HFM1: variants seen among roughly 807,000 people sequenced by gnomAD.
HFM1 encodes probable ATP-dependent DNA helicase HFM1.
HFM1 carries 169 observed loss-of-function variants against 192.1 expected under a neutral mutation model. That is an observed-to-expected ratio of 0.88 (90% CI 0.78 to 1.00). HFM1 has a LOEUF of 1.00. HFM1 is among the 50% of genes least tolerant of loss of function. The probability of loss-of-function intolerance (pLI) is 0.00; values close to 1 mark genes in which losing one functional copy is unlikely to be tolerated. For synonymous variants in HFM1, 525 were observed against 537.8 expected, an observed-to-expected ratio of 0.98 and a Z score of 0.33; for missense variants, 1,661 against 1,668.0, an observed-to-expected ratio of 1.00 and a Z score of 0.07.
intron 30 of HFM1, among the ~76,000 whole-genome samples, chr1:91,281,096 T>C (rs575197318): frequency 3.9e-4 from 59 of 152,238 alleles, no homozygotes; most frequent in Admixed American, 1.4e-3. Flanking sequence ...GAGTGTAATA[T>C]GGAGAACAGA....
At chr1:91,284,873 GT>G (rs1326955745) in intron 30 of HFM1, among the ~76,000 whole-genome samples, 1 of 152,128 alleles carries the variant, frequency 6.6e-6, no homozygotes, top group Non-Finnish European at 1.5e-5. Context: ...TTTTCAAAAA[GT>G]TTGATATGGT....
rs771048982 is a variant in HFM1, at chr1:91,380,223, T to C, written c.887A>G (p.Asp296Gly). 6.4e-7 allele frequency: 1 copy of C among 1,574,518 alleles called. No individual in the cohort carries two copies. The highest frequency in any genetic ancestry group is 1.2e-5 in the South Asian group (1 of 86,124). Residue 296 changes from aspartate (D) to glycine (G), a missense_variant, in exon 8 of 39, where the codon GAT becomes GGT. Physicochemically the swap from Asp to Gly is moderately conservative, Grantham distance 94. Coordinates refer to ENST00000370425, the MANE Select transcript of HFM1 (RefSeq NM_001017975.6). ...TGGAGCACAAATCACAAAATTCCTA[T>C]CTGTGTAAAGAAGCTAAAAAATAAA... ...SKAFDDLLYTDRNFVICAPTG... is the reference protein window; with the variant it reads ...SKAFDDLLYTGRNFVICAPTG...
chr1:91,300,105 A>G (rs1032166149), intron 30 of HFM1, among the ~76,000 whole-genome samples: 5 of 152,144 alleles, frequency 3.3e-5, no homozygotes, highest in Non-Finnish European at 2.9e-5. Flanking sequence ...AGGGGATATC[A>G]CCACCGATCC....
intron 9 of HFM1, 112 bp from the exon 10 acceptor site, chr1:91,378,592 G>C (rs1661198880): frequency 1.6e-6 from 1 of 607,620 alleles, no homozygotes; most frequent in East Asian, 3.0e-5. Context: ...AGGCAATTTT[G>C]GTTGATCCCT....
At chr1:91,327,107 AGAAG>A (rs1245232158) in intron 20 of HFM1, among the ~76,000 whole-genome samples, 1 of 152,226 alleles carries the variant, frequency 6.6e-6, no homozygotes, top group African/African-American at 2.4e-5. Context: ...GAAGACAGAA[AGAAG>A]GAAGAGAAGA....
chr1:91,403,895 CA>C (rs1251647916), intron 1 of HFM1, among the ~76,000 whole-genome samples: 1 of 151,982 alleles, frequency 6.6e-6, no homozygotes, highest in Admixed American at 6.5e-5. Context: ...TTATTGTATA[CA>C]ATTATTGTAT....
intron 36 of HFM1, among the ~76,000 whole-genome samples, chr1:91,264,359 G>GTTTTTTTTTTTTT (rs1466938761): frequency 3.5e-4 from 19 of 54,058 alleles, no homozygotes; most frequent in African/African-American, 1.1e-3. Flanking sequence ...CACAAATTTA[G>GTTTTTTTTTTTTT]TATTTTTTTT....
intron 30 of HFM1, among the ~76,000 whole-genome samples, chr1:91,309,113 T>C (rs554770489): frequency 6.6e-6 from 1 of 152,314 alleles, no homozygotes; most frequent in African/African-American, 2.4e-5. Flanking sequence ...ACAGAATAGT[T>C]CTAAATGCGT....
At chr1:91,335,151 G>A (rs1003428626) in intron 20 of HFM1, among the ~76,000 whole-genome samples, 9 of 152,116 alleles carry the variant, frequency 5.9e-5, no homozygotes, top group Non-Finnish European at 1.2e-4. Flanking sequence ...TGGTACAATA[G>A]ATAAAACTAA....
At chr1:91,366,989 C>A (rs1358779493) in intron 13 of HFM1, among the ~76,000 whole-genome samples, 1 of 152,206 alleles carries the variant, frequency 6.6e-6, no homozygotes, top group Non-Finnish European at 1.5e-5. Context: ...GGGTCCTACA[C>A]CCACAGAGCC....
chr1:91,368,925 C>CA (rs1170379738), intron 13 of HFM1, among the ~76,000 whole-genome samples: 1 of 151,606 alleles, frequency 6.6e-6, no homozygotes, highest in Non-Finnish European at 1.5e-5. Flanking sequence ...AAATGGAAAA[C>CA]AAAAAAAGGC....
At chr1:91,280,161 C>T (rs936795707) in intron 30 of HFM1, among the ~76,000 whole-genome samples, 1 of 152,098 alleles carries the variant, frequency 6.6e-6, no homozygotes, top group African/African-American at 2.4e-5. Flanking sequence ...AGTGGTACAT[C>T]ATGCTATGTG....
In HFM1 at chr1:91,287,714, C is replaced by T. The variant is rs1030111144; in HGVS notation, c.3392-10652G>A. 1.2e-3 allele frequency among the ~76,000 whole-genome samples: 187 copies of T among 151,720 alleles called. 1 individual carries two copies. The highest frequency in any genetic ancestry group is 3.6e-3 in the African/African-American group (147 of 41,358). On this transcript the variant is annotated intron_variant, in intron 30 of 38. Transcript: ENST00000370425. ...AAGTCTTCAGACGATCAAATTACTC[C>T]GAGCTACGGGAGGACATTCAAACCA...
rs1157519426 is a variant in HFM1 at position 91,313,514 on chromosome 1, G to C, written c.3245-19C>G. 6.6e-7 allele frequency: 1 copy of C among 1,524,406 alleles called. No individual in the cohort carries two copies. Among genetic ancestry groups the C allele is most frequent in the South Asian group, 1.3e-5 (1 of 76,090 alleles). The allele number at this position is 1,524,406 out of a possible 1,614,324, so 94.4% of individuals were successfully genotyped here. ...AGCCCAACTGGAAAATGAAAAAAAA[G>C]TACACAAATGTTTATTTGTCATATA... On this transcript the variant is annotated intron_variant, in intron 29 of 38. Coordinates refer to ENST00000370425, the MANE Select transcript of HFM1 (RefSeq NM_001017975.6).
chr1:91,270,018 T>C (rs1212604968), intron 34 of HFM1, among the ~76,000 whole-genome samples: 1 of 152,124 alleles, frequency 6.6e-6, no homozygotes, highest in East Asian at 1.9e-4. Flanking sequence ...GTTTTTCTTA[T>C]AGGTAAAGGA....
At chr1:91,302,700 G>A (rs955873295) in intron 30 of HFM1, among the ~76,000 whole-genome samples, 1 of 144,422 alleles carries the variant, frequency 6.9e-6, no homozygotes, top group Non-Finnish European at 1.5e-5. Flanking sequence ...ACCAAACACT[G>A]CATGTTCTTA....
chr1:91,348,808 C>T (rs281934), intron 18 of HFM1, among the ~76,000 whole-genome samples: 105,206 of 151,714 alleles, frequency 0.69, 36,987 homozygotes, highest in African/African-American at 0.81. Context: ...CCTGTAGTAC[C>T]AGCTACTCTG....
chr1:91,269,819 T>A (rs1225623050), intron 34 of HFM1, among the ~76,000 whole-genome samples: 2 of 152,096 alleles, frequency 1.3e-5, no homozygotes, highest in African/African-American at 4.8e-5. Context: ...ACCTATGCTA[T>A]GAAGGGAGAA....
chr1:91,310,651 T>C (rs1650311633), intron 30 of HFM1, among the ~76,000 whole-genome samples: 2 of 152,342 alleles, frequency 1.3e-5, no homozygotes, highest in Non-Finnish European at 2.9e-5. Flanking sequence ...AATTGAATCA[T>C]GGAGGCTGGT....
Sources: allele counts gnomAD v4.1 joint callset (sites outside exome capture counted in the v4.1 genomes callset), GRCh38; gene constraint gnomAD v4.1.1; transcripts MANE v1.5; gene names NCBI Gene and HGNC (gene_info 2026-07-23, HGNC 2026-07-21).